TDRKH: variants seen among roughly 807,000 people sequenced by gnomAD.
TDRKH encodes the protein tudor and KH domain containing.
TDRKH carries 28 observed loss-of-function variants against 61.3 expected under a neutral mutation model. The ratio of observed to expected loss-of-function variants is 0.46; its 90% CI spans 0.34 to 0.63. The LOEUF (loss-of-function observed/expected upper bound fraction) is 0.63, where lower values mean the gene tolerates loss of function less well. Among genes scored for constraint, TDRKH ranks in the 20% least tolerant of loss-of-function variants. The probability of loss-of-function intolerance (pLI) is 0.01; values close to 1 mark genes in which losing one functional copy is unlikely to be tolerated. For synonymous variants in TDRKH, 219 were observed against 244.4 expected (o/e 0.90, Z 0.97); for missense variants, 540 against 683.4 (o/e 0.79, Z 2.34).
intron 6 of TDRKH, among the ~76,000 whole-genome samples, chr1:151,777,658 CTT>C (rs1343550386): frequency 6.6e-6 from 1 of 150,888 alleles, no homozygotes; most frequent in African/African-American, 2.4e-5. Context: ...TGAAAAAAGA[CTT>C]TTTATTGCTT....
Position 151,776,179 on chromosome 1 carries a change from G to A in TDRKH, c.1134C>T (p.Thr378=). ...GSWYRARVLG[T]LENGNLDLYF... is the part of the protein sequence containing the mutation. ...AGAGGTCCAAGTTCCCATTCTCCAA[G>A]GTGCCGAGGACCCGGGCTCGATACC... Residue 378 remains threonine (T), a synonymous_variant, in exon 8 of 13, where the codon ACC becomes ACT. Coordinates refer to ENST00000368824, the MANE Select transcript of TDRKH (RefSeq NM_001083965.2). 1 of 1,614,126 alleles carries A rather than the reference G, an allele frequency of 6.2e-7. No homozygotes were observed.
downstream of TDRKH, chr1:151,766,934 G>C: frequency 2.6e-6 from 4 of 1,510,216 alleles, no homozygotes; most frequent in Non-Finnish European, 3.6e-6. Context: ...TAAAATGTAA[G>C]GAAAAAGTAA....
intron 8 of TDRKH, 88 bp downstream of exon 8, chr1:151,776,008 C>A: frequency 6.4e-7 from 1 of 1,571,642 alleles, no homozygotes; most frequent in Non-Finnish European, 8.7e-7. Context: ...AGGTTCCCTT[C>A]CAAATCCCCC....
intron 2 of TDRKH, 131 bp downstream of exon 2, chr1:151,782,768 T>C: frequency 7.9e-7 from 1 of 1,268,088 alleles, no homozygotes; most frequent in South Asian, 1.7e-5. Context: ...AGACCCTGTC[T>C]CAAAAAAACC....
downstream of TDRKH, chr1:151,772,039 AACT>A (rs1648733442): frequency 2.5e-6 from 1 of 398,392 alleles, no homozygotes; most frequent in Non-Finnish European, 4.4e-6. Flanking sequence ...AGAGTACCTG[AACT>A]ACTCACCAGA....
At chr1:151,776,361 A>G in intron 7 of TDRKH, 78 bp downstream of exon 7, 1 of 1,596,698 alleles carries the variant, frequency 6.3e-7, no homozygotes, top group South Asian at 1.1e-5. Flanking sequence ...TAGTTGCTCC[A>G]CAGGGAAAGG....
At chr1:151,767,534 TA>T (rs1322259344), downstream of TDRKH, 26 of 792,078 alleles carry the variant, frequency 3.3e-5, no homozygotes, top group Admixed American at 2.5e-4. Flanking sequence ...GGGACAAAGG[TA>T]AAACAAACTC....
intron 10 of TDRKH, 101 bp from the exon 11 acceptor site, chr1:151,775,267 G>A (rs1246131085): frequency 6.5e-7 from 1 of 1,549,724 alleles, no homozygotes; most frequent in Non-Finnish European, 8.8e-7. Flanking sequence ...CATTCCTTTG[G>A]TGAGATGGTG....
chr1:151,773,153 C>T (rs1001082749), downstream of TDRKH, among the ~76,000 whole-genome samples: 1 of 152,108 alleles, frequency 6.6e-6, no homozygotes, highest in Non-Finnish European at 1.5e-5. Context: ...AGCAATTCTC[C>T]TGCCTCAGCC....
intron 3 of TDRKH, 113 bp from the exon 4 acceptor site, chr1:151,780,253 G>T (rs1649619820): frequency 2.0e-6 from 2 of 983,364 alleles, no homozygotes; most frequent in Admixed American, 2.5e-5. Context: ...AAAGGAATTA[G>T]CTAATACTAT....
At chr1:151,776,838 A>G (rs1649231007) in intron 6 of TDRKH, among the ~76,000 whole-genome samples, 1 of 152,254 alleles carries the variant, frequency 6.6e-6, no homozygotes, top group South Asian at 2.1e-4. Context: ...CTACATAGTC[A>G]AATCGGTCAC....
chr1:151,788,909 T>C (rs1277051817), intron 1 of TDRKH, among the ~76,000 whole-genome samples: 2 of 152,222 alleles, frequency 1.3e-5, no homozygotes, highest in East Asian at 1.9e-4. Context: ...TGATAACACA[T>C]GCCATGCTTG....
downstream of TDRKH, chr1:151,769,393 G>C (rs1648535387): frequency 7.1e-6 from 1 of 140,652 alleles, no homozygotes; most frequent in Admixed American, 7.5e-5. Flanking sequence ...CTTCCCAGAC[G>C]AGGCGGCTGC....
Position 151,775,137 on chromosome 1 carries a change from G to A in TDRKH, c.1464C>T (p.His488=). Residue 488 remains histidine, a synonymous_variant, in exon 11 of 13, where the codon CAC becomes CAT. Coordinates refer to ENST00000368824, the MANE Select transcript of TDRKH (RefSeq NM_001083965.2). The stretch of plus-strand genomic sequence containing the variant: ...CAGGAAGCTCAATTGCGTATCCTTT[G>A]TGTACTAATTCTAGCCCAATATCAA... ...KKLDIGLELV[H]KGYAIELPED... is the part of the protein sequence containing the mutation. 1.9e-6 allele frequency: 3 copies of A among 1,614,112 alleles called. No homozygotes were observed. The highest frequency in any genetic ancestry group is 2.5e-6 in the Non-Finnish European group (3 of 1,180,026).
At chr1:151,783,093 C>A (rs556109174) in intron 1 of TDRKH, 44 bp from the exon 2 acceptor site, 1 of 1,562,634 alleles carries the variant, frequency 6.4e-7, no homozygotes, top group South Asian at 1.2e-5. Context: ...TTCATCCAAT[C>A]CTTTTATGAA....
chr1:151,780,933 C>G (rs1447840268), intron 3 of TDRKH, among the ~76,000 whole-genome samples: 2 of 151,876 alleles, frequency 1.3e-5, no homozygotes, highest in Non-Finnish European at 2.9e-5. Context: ...GCTAAGTCAT[C>G]CTTTCTCTAG....
intron 1 of TDRKH, among the ~76,000 whole-genome samples, chr1:151,788,827 C>T (rs1023776980): frequency 2.0e-5 from 3 of 152,136 alleles, no homozygotes; most frequent in Non-Finnish European, 4.4e-5. Context: ...CAGCCAAGGC[C>T]CCTCAATCTC....
In TDRKH at chr1:151,778,904, T is replaced by G; in HGVS notation, c.664A>C (p.Arg222=). The change falls in exon 6 of 13, where the codon AGA becomes CGA. Residue 222 remains arginine (R), a synonymous_variant. Transcript: ENST00000368824. ...CCACCTGGCTCTGTCATGTCTTCTC[T>G]TCTCACACTGATTGGCTGTTTGCGT... The part of the protein sequence containing the change: ...VPRKQPISVR[R]EDMTEPGGAG... 1 of 1,614,208 alleles carries G rather than the reference T, an allele frequency of 6.2e-7. No homozygotes were observed. Among genetic ancestry groups the G allele is most frequent in the Non-Finnish European group, 8.5e-7 (1 of 1,180,038 alleles).
rs1454939078 is a variant in TDRKH, at chr1:151,778,725, C to T, written c.843G>A (p.Lys281=). Residue 281 remains lysine, a synonymous_variant, in exon 6 of 13, where the codon AAG becomes AAA. Coordinates refer to ENST00000368824, the MANE Select transcript of TDRKH (RefSeq NM_001083965.2). ...WEKPSDDSFQ[K]SEAQAIPEMP... The stretch of plus-strand genomic sequence containing the variant: ...TCTCTGGGATGGCCTGGGCTTCAGA[C>T]TTCTGAAAGCTGTCATCACTAGGTT... 3.1e-6 allele frequency: 5 copies of T among 1,614,170 alleles called. No homozygotes were observed. The highest frequency in any genetic ancestry group is 4.2e-6 in the Non-Finnish European group (5 of 1,180,034).
Sources: gnomAD v4.1 joint callset for allele counts (sites outside exome capture counted in the v4.1 genomes callset) on GRCh38, gnomAD v4.1.1 for gene constraint, MANE v1.5 for transcripts, NCBI Gene and HGNC (gene_info 2026-07-23, HGNC 2026-07-21) for gene names.